Variants in ABCA13 observed in about 807,000 individuals in gnomAD.
ABCA13 encodes the protein ATP-binding cassette sub-family A member 13.
In ABCA13, 476 loss-of-function variants were observed where a neutral mutation model predicts 478.7. That is an observed-to-expected ratio of 0.99 (90% CI 0.92 to 1.07). The LOEUF (loss-of-function observed/expected upper bound fraction) is 1.07, where lower values mean the gene tolerates loss of function less well. Ranked by LOEUF, ABCA13 falls within the 50% of genes least tolerant of loss-of-function variation. The probability of loss-of-function intolerance (pLI) is 0.00; values close to 1 mark genes in which losing one functional copy is unlikely to be tolerated. For synonymous variants in ABCA13, 2,252 were observed against 2,158.9 expected, an observed-to-expected ratio of 1.04 and a Z score of -1.20; for missense variants, 6,060 against 5,910.6, an observed-to-expected ratio of 1.03 and a Z score of -0.83.
At chr7:48,330,115 A>T (rs532187882) in intron 27 of ABCA13, among the ~76,000 whole-genome samples, 40 of 151,032 alleles carry the variant, frequency 2.6e-4, no homozygotes, top group African/African-American at 9.7e-4. Flanking sequence ...CCATTAATTT[A>T]TCTATCCATC....
intron 27 of ABCA13, among the ~76,000 whole-genome samples, chr7:48,333,178 T>C (rs1805674568): frequency 6.6e-6 from 1 of 152,210 alleles, no homozygotes; most frequent in African/African-American, 2.4e-5. Context: ...CACACATTGA[T>C]CAGCTGTCAG....
intron 7 of ABCA13, among the ~76,000 whole-genome samples, chr7:48,231,941 C>T (rs540512270): frequency 5.3e-5 from 8 of 152,122 alleles, no homozygotes; most frequent in Middle Eastern, 6.8e-3. Flanking sequence ...GGATTACAGG[C>T]GTGAGCCACT....
At chr7:48,311,404 C>T (rs991830213) in intron 24 of ABCA13, among the ~76,000 whole-genome samples, 19 of 152,160 alleles carry the variant, frequency 1.2e-4, no homozygotes, top group African/African-American at 4.3e-4. Context: ...TCGTATTTTT[C>T]GCTAACATGC....
At chr7:48,466,027 T>G (rs188557400) in intron 43 of ABCA13, among the ~76,000 whole-genome samples, 1 of 152,096 alleles carries the variant, frequency 6.6e-6, no homozygotes, top group South Asian at 2.1e-4. Flanking sequence ...TTGAGACAAG[T>G]GTTTGCAAAG....
chr7:48,580,585 G>A (rs1338688357), intron 56 of ABCA13, among the ~76,000 whole-genome samples: 3 of 152,202 alleles, frequency 2.0e-5, no homozygotes, highest in Non-Finnish European at 4.4e-5. Context: ...AAAGGTATCT[G>A]TGTGAGGCAG....
intron 55 of ABCA13, among the ~76,000 whole-genome samples, chr7:48,555,565 T>C (rs1384372611): frequency 6.6e-6 from 1 of 151,972 alleles, no homozygotes; most frequent in Non-Finnish European, 1.5e-5. Context: ...GTAGGTTGTA[T>C]GTGTCTAGGA....
At chr7:48,482,906 G>C (rs1585532615) in intron 46 of ABCA13, among the ~76,000 whole-genome samples, 170 bp from the exon 47 acceptor site, 1 of 152,178 alleles carries the variant, frequency 6.6e-6, no homozygotes, top group East Asian at 1.9e-4. Flanking sequence ...CAGGAAACTT[G>C]CATCAGCACA....
At chr7:48,555,315 A>G (rs1785705657) in intron 55 of ABCA13, among the ~76,000 whole-genome samples, 1 of 151,500 alleles carries the variant, frequency 6.6e-6, no homozygotes, top group African/African-American at 2.4e-5. Context: ...ATATTGTCTG[A>G]TGTGGGTATT....
At chr7:48,330,552 TC>T (rs1275721851) in intron 27 of ABCA13, among the ~76,000 whole-genome samples, 2 of 143,458 alleles carry the variant, frequency 1.4e-5, no homozygotes, top group East Asian at 4.3e-4. Flanking sequence ...TCCATTTAAA[TC>T]CATCCACACA....
At chr7:48,223,417 G>A (rs918918298) in intron 5 of ABCA13, among the ~76,000 whole-genome samples, 10 of 152,104 alleles carry the variant, frequency 6.6e-5, no homozygotes, top group Admixed American at 5.9e-4. Flanking sequence ...CCAAGCACTT[G>A]CATTTGAAAA....
intron 35 of ABCA13, among the ~76,000 whole-genome samples, chr7:48,377,801 A>G (rs979564862): frequency 6.6e-6 from 1 of 152,258 alleles, no homozygotes; most frequent in Non-Finnish European, 1.5e-5. Context: ...GTTCAAGGAA[A>G]TTGGATGAGA....
chr7:48,600,725 T>A (rs1790802711), intron 58 of ABCA13, among the ~76,000 whole-genome samples: 1 of 152,160 alleles, frequency 6.6e-6, no homozygotes, highest in Non-Finnish European at 1.5e-5. Context: ...TTATATGCTA[T>A]AAATCCAATA....
At chr7:48,416,298 G>A (rs4147298) in intron 41 of ABCA13, among the ~76,000 whole-genome samples, 23 of 151,930 alleles carry the variant, frequency 1.5e-4, no homozygotes, top group African/African-American at 5.6e-4. Context: ...GTCTTAAATA[G>A]GAGGAATTCT....
intron 18 of ABCA13, among the ~76,000 whole-genome samples, 169 bp from the exon 19 acceptor site, chr7:48,281,174 T>C (rs1409718899): frequency 1.3e-5 from 2 of 152,244 alleles, no homozygotes; most frequent in East Asian, 3.8e-4. Context: ...TTTCTAAAGG[T>C]CCAGAATGTG....
chr7:48,214,132 TCTC>T (rs1786087219), intron 3 of ABCA13, among the ~76,000 whole-genome samples: 1 of 152,196 alleles, frequency 6.6e-6, no homozygotes, highest in Non-Finnish European at 1.5e-5. Context: ...AAAACATTAA[TCTC>T]CTTGTACGTC....
At position 48,516,838 on chromosome 7, in the gene ABCA13, T is replaced by TA. The variant is rs779650264; in HGVS notation, c.13756dup (p.Thr4586AsnfsTer14). 1.2e-6 allele frequency: 2 copies of TA among 1,613,812 alleles called. No homozygotes were observed. The highest frequency in any genetic ancestry group is 1.7e-6 in the Non-Finnish European group (2 of 1,179,714). ...ATCTTTGGCCTTTGTACCATGCTCA[T>TA]AACCATTATGCCCCGGTTGCTAGCC... On this transcript the variant is annotated frameshift_variant, in exon 52 of 62. Transcript: ENST00000435803. LOFTEE classifies it high-confidence loss of function.
intron 20 of ABCA13, among the ~76,000 whole-genome samples, chr7:48,293,201 C>CA (rs1245151767): frequency 7.3e-6 from 1 of 137,396 alleles, no homozygotes. Context: ...AGCCCCCCCC[C>CA]CGCCACACAC....
intron 58 of ABCA13, among the ~76,000 whole-genome samples, 199 bp downstream of exon 58, chr7:48,595,012 A>T (rs1360104397): frequency 6.6e-6 from 1 of 152,224 alleles, no homozygotes; most frequent in East Asian, 1.9e-4. Context: ...AACCAAGTTT[A>T]CATAGCAAAT....
rs146257521 is a variant in ABCA13 at position 48,217,308 on chromosome 7, C to T, written c.288-2046C>T. On this transcript the variant is annotated intron_variant, in intron 3 of 61. Coordinates refer to ENST00000435803, the MANE Select transcript of ABCA13 (RefSeq NM_152701.5). ...CCTTTGGATCTGCTTAGAGATAATT[C>T]TCATTTGATAACAATTTGCCCTGTT... Among the ~76,000 whole-genome samples the T allele has an allele frequency of 1.4e-4, 22 of 152,280 alleles. 1 individual carries two copies. The East Asian group carries it at 4.0e-3, about 28-fold the overall frequency.
Sources: gnomAD v4.1 joint callset for allele counts (sites outside exome capture counted in the v4.1 genomes callset) on GRCh38, gnomAD v4.1.1 for gene constraint, MANE v1.5 for transcripts, NCBI Gene and HGNC (gene_info 2026-07-23, HGNC 2026-07-21) for gene names.